EXOSC1: variants seen among roughly 807,000 people sequenced by gnomAD.
EXOSC1 encodes the protein exosome complex component CSL4.
Under a neutral mutation model 31.4 loss-of-function variants are expected in EXOSC1, and 27 were observed. That is an observed-to-expected ratio of 0.86 (90% CI 0.63 to 1.18). The LOEUF is 1.18. Ranked by LOEUF, EXOSC1 falls within the 50% of genes most tolerant of loss-of-function variation. EXOSC1 has a pLI of 0.00. For synonymous variants in EXOSC1, 84 were observed against 89.5 expected, an observed-to-expected ratio of 0.94 and a Z score of 0.35; for missense variants, 228 against 250.3, an observed-to-expected ratio of 0.91 and a Z score of 0.60.
chr10:97,441,787 G>A (rs1376748403), intron 3 of EXOSC1, among the ~76,000 whole-genome samples: 1 of 147,348 alleles, frequency 6.8e-6, no homozygotes, highest in Non-Finnish European at 1.5e-5. Flanking sequence ...ACTGCATCCG[G>A]CTGGGTTTTT....
chr10:97,441,917 C>T (rs1435030860), intron 3 of EXOSC1, among the ~76,000 whole-genome samples: 1 of 149,068 alleles, frequency 6.7e-6, no homozygotes, highest in Admixed American at 6.7e-5. Context: ...TGGCTCATGC[C>T]TGTAATCCCA....
chr10:97,436,845 G>A (rs1304497482), intron 7 of EXOSC1, among the ~76,000 whole-genome samples: 3 of 152,122 alleles, frequency 2.0e-5, no homozygotes, highest in Non-Finnish European at 2.9e-5. Flanking sequence ...CCAACATGGC[G>A]AAACCCTGTC....
intron 3 of EXOSC1, among the ~76,000 whole-genome samples, chr10:97,442,984 C>T (rs577094889): frequency 6.6e-6 from 1 of 152,224 alleles, no homozygotes; most frequent in South Asian, 2.1e-4. Flanking sequence ...AGCCACCATG[C>T]CCGGCAATTT....
At chr10:97,437,043 A>G in intron 7 of EXOSC1, 148 bp downstream of exon 7, 4 of 794,816 alleles carry the variant, frequency 5.0e-6, no homozygotes, top group Non-Finnish European at 8.2e-6. Context: ...AGCACCAAGC[A>G]AAAAAGAAAA....
At chr10:97,441,487 T>G (rs1003705928) in intron 3 of EXOSC1, among the ~76,000 whole-genome samples, 21 of 132,798 alleles carry the variant, frequency 1.6e-4, no homozygotes, top group Non-Finnish European at 3.0e-4. Flanking sequence ...GTGGTATGGG[T>G]TTTTTTTTTT....
At chr10:97,445,652 C>T (rs1370527356) in intron 2 of EXOSC1, 80 bp downstream of exon 2, 11 of 1,317,996 alleles carry the variant, frequency 8.3e-6, no homozygotes, top group Non-Finnish European at 1.2e-5. Flanking sequence ...GACGCGTCCG[C>T]AGTGCCCATG....
chr10:97,441,183 C>T lies in EXOSC1; in HGVS notation c.299G>A (p.Arg100Gln), dbSNP rs201091237. Residue 100 changes from arginine (R) to glutamine (Q), a missense_variant, in exon 4 of 8, where the codon CGA becomes CAA. By Grantham distance (43) the Arg-to-Gln change is conservative. Coordinates refer to ENST00000370902, the MANE Select transcript of EXOSC1 (RefSeq NM_016046.5). ...GGATACTTCTTACCGGATAGTTCCT[C>T]GAAAAGAGTTCTTAAGAGGCATGGA... ...VGSMPLKNSFRGTIRKEDVRA... is the reference protein window; with the variant it reads ...VGSMPLKNSFQGTIRKEDVRA... 7.8e-5 allele frequency: 126 copies of T among 1,613,788 alleles called. No individual in the cohort carries two copies. The Admixed American group carries it at 1.1e-3, about 14-fold the overall frequency.
chr10:97,445,227 T>G (rs1264042139), intron 2 of EXOSC1: 1 of 156,416 alleles, frequency 6.4e-6, no homozygotes, highest in Non-Finnish European at 1.4e-5. Flanking sequence ...GCGTTCCAGA[T>G]AGATGGCATG....
intron 7 of EXOSC1, 55 bp from the exon 8 acceptor site, chr10:97,436,606 C>A (rs1845545590): frequency 6.7e-7 from 1 of 1,502,896 alleles, no homozygotes; most frequent in South Asian, 1.3e-5. Context: ...GCCTGCGACT[C>A]CTCTTTTATG....
In EXOSC1 at chr10:97,442,177, CA is replaced by C. The variant is rs56821235; in HGVS notation, c.223-919del. 7.0e-3 allele frequency among the ~76,000 whole-genome samples: 980 copies of C among 140,398 alleles called. 3 individuals are homozygous for C. Among genetic ancestry groups the C allele is most frequent in the Non-Finnish European group, 0.011 (703 of 63,646 alleles). 92.1% of individuals were successfully genotyped at this position (140,398 alleles called of 152,430 possible). On this transcript the variant is annotated intron_variant, in intron 3 of 7. Transcript: ENST00000370902. Reference sequence around the variant, plus strand: ...TGGGTGACAGAGCAAGGCCCTGTCTCAAAAAAAAAAAAACAGGAATGGCAAA... The same window carrying C: ...TGGGTGACAGAGCAAGGCCCTGTCTCAAAAAAAAAAAACAGGAATGGCAAA...
At chr10:97,437,534 G>A (rs1845578807) in intron 6 of EXOSC1, among the ~76,000 whole-genome samples, 166 bp downstream of exon 6, 1 of 152,090 alleles carries the variant, frequency 6.6e-6, no homozygotes, top group African/African-American at 2.4e-5. Flanking sequence ...TTTTAGTAGA[G>A]ACAGGGTTTC....
At position 97,437,227 on chromosome 10, in the gene EXOSC1, T is replaced by A. The variant is rs767557166; in HGVS notation, c.445A>T (p.Asn149Tyr). 42 of 1,614,070 alleles carry A rather than the reference T, an allele frequency of 2.6e-5. 1 individual carries two copies. The South Asian group carries it at 4.3e-4, about 16-fold the overall frequency. The change falls in exon 7 of 8, where the codon AAC becomes TAC. Residue 149 changes from asparagine to tyrosine, a missense_variant. Physicochemically the swap from Asn to Tyr is moderately radical, Grantham distance 143. Coordinates refer to ENST00000370902, the MANE Select transcript of EXOSC1 (RefSeq NM_016046.5). Reference protein sequence around the residue: ...QSNYLLTTAENELGVVVAHSE... With the variant: ...QSNYLLTTAEYELGVVVAHSE... The stretch of plus-strand genomic sequence containing the variant: ...TGGGCTACCACCACTCCCAGCTCGT[T>A]CTCGGCGGTGGTTAGCAGGTAGTTG...
chr10:97,437,812 A>C (rs1029999881), intron 5 of EXOSC1, 62 bp from the exon 6 acceptor site: 3 of 1,388,704 alleles, frequency 2.2e-6, no homozygotes, highest in African/African-American at 2.8e-5. Context: ...TGAAACTGTG[A>C]ACGCTTCTGG....
chr10:97,438,902 C>T (rs1046440545), intron 4 of EXOSC1, among the ~76,000 whole-genome samples, 199 bp from the exon 5 acceptor site: 12 of 151,924 alleles, frequency 7.9e-5, no homozygotes, highest in African/African-American at 1.9e-4. Flanking sequence ...CAGGCACGTC[C>T]GCCATGCCCA....
chr10:97,440,206 A>G (rs1049581167), intron 4 of EXOSC1, among the ~76,000 whole-genome samples: 2 of 152,092 alleles, frequency 1.3e-5, no homozygotes, highest in African/African-American at 2.4e-5. Flanking sequence ...TCCCGACCTC[A>G]GGTGATCCGC....
chr10:97,441,791 G>A (rs1340167415), intron 3 of EXOSC1, among the ~76,000 whole-genome samples: 7 of 146,500 alleles, frequency 4.8e-5, no homozygotes, highest in African/African-American at 1.8e-4. Flanking sequence ...CATCCGGCTG[G>A]GTTTTTTTTT....
At chr10:97,437,529 G>A (rs577629564) in intron 6 of EXOSC1, among the ~76,000 whole-genome samples, 171 bp downstream of exon 6, 2 of 151,830 alleles carry the variant, frequency 1.3e-5, no homozygotes, top group Non-Finnish European at 2.9e-5. Context: ...TGTATTTTTA[G>A]TAGAGACAGG....
chr10:97,442,510 A>C (rs1039778488), intron 3 of EXOSC1, among the ~76,000 whole-genome samples: 1 of 152,170 alleles, frequency 6.6e-6, no homozygotes, highest in African/African-American at 2.4e-5. Context: ...AATGTGACTA[A>C]GGAAATCAAT....
chr10:97,441,310 A>C, intron 3 of EXOSC1, 51 bp from the exon 4 acceptor site: 23 of 1,522,430 alleles, frequency 1.5e-5, no homozygotes, highest in Non-Finnish European at 2.0e-5. Context: ...TTGTCAGCTC[A>C]AGGAGGCAGC....
Sources: allele counts gnomAD v4.1 joint callset (sites outside exome capture counted in the v4.1 genomes callset), GRCh38; gene constraint gnomAD v4.1.1; transcripts MANE v1.5; gene names NCBI Gene and HGNC (gene_info 2026-07-23, HGNC 2026-07-21).